The following SLC68A1 variants were observed in gnomAD, a reference collection of about 807,000 sequenced individuals.
SLC68A1 encodes major facilitator superfamily domain containing 13A.
chr10:102,470,523 G>A, the SLC68A1 span: 1 of 1,336,676 alleles, frequency 7.5e-7, no homozygotes, highest in African/African-American at 1.5e-5. Context: ...GTTGCAGACT[G>A]GGGACTTAGG....
the SLC68A1 span, chr10:102,473,920 C>G: frequency 6.2e-7 from 1 of 1,613,978 alleles, no homozygotes; most frequent in Admixed American, 1.7e-5. Context: ...CAGGCAGCCT[C>G]GGCACTCCTC....
the SLC68A1 span, among the ~76,000 whole-genome samples, chr10:102,462,940 C>T: frequency 2.6e-5 from 4 of 152,198 alleles, no homozygotes. Context: ...CCAGGCTGCC[C>T]CTTCTCTCTG....
At chr10:102,475,935 A>G in the SLC68A1 span, 1 of 1,613,416 alleles carries the variant, frequency 6.2e-7, no homozygotes, top group Non-Finnish European at 8.5e-7. Context: ...GTCAAGGCCC[A>G]GCGCCAGAAC....
At chr10:102,473,913 G>A in the SLC68A1 span, 6 of 1,613,962 alleles carry the variant, frequency 3.7e-6, no homozygotes, top group Non-Finnish European at 5.1e-6. Flanking sequence ...CCGCAAGCAG[G>A]CAGCCTCGGC....
At chr10:102,475,699 C>A in the SLC68A1 span, 1 of 1,561,380 alleles carries the variant, frequency 6.4e-7, no homozygotes, top group Non-Finnish European at 8.7e-7. Flanking sequence ...TGACCATGGT[C>A]TTTCTGTGCT....
At chr10:102,474,013 G>T in the SLC68A1 span, 5 of 1,592,114 alleles carry the variant, frequency 3.1e-6, no homozygotes, top group Non-Finnish European at 4.3e-6. Context: ...TTCTACACAG[G>T]TGAGGGCCTG....
At chr10:102,464,566 T>C in the SLC68A1 span, among the ~76,000 whole-genome samples, 1 of 150,184 alleles carries the variant, frequency 6.7e-6, no homozygotes, top group South Asian at 2.1e-4. Flanking sequence ...CCAAGGTGGG[T>C]GGATCACAAG....
chr10:102,468,915 G>T, the SLC68A1 span: 12 of 805,958 alleles, frequency 1.5e-5, no homozygotes, highest in Admixed American at 2.7e-5. Context: ...GAACAGAGCT[G>T]GCTCTGATCC....
the SLC68A1 span, chr10:102,470,955 A>G: frequency 2.2e-5 from 35 of 1,613,124 alleles, no homozygotes; most frequent in Middle Eastern, 1.6e-4. Flanking sequence ...TTTGCATCCT[A>G]TGCCTTTTGG....
At chr10:102,473,296 G>A in the SLC68A1 span, among the ~76,000 whole-genome samples, 5 of 152,104 alleles carry the variant, frequency 3.3e-5, no homozygotes, top group Non-Finnish European at 7.4e-5. Flanking sequence ...TCATCTGATG[G>A]GCCTGGGTGT....
At chr10:102,472,814 TC>T in the SLC68A1 span, 1 of 1,524,088 alleles carries the variant, frequency 6.6e-7, no homozygotes. Context: ...TCAGCTCTCC[TC>T]CCACTGGAAG....
chr10:102,470,693 G>C, the SLC68A1 span: 1 of 1,612,270 alleles, frequency 6.2e-7, no homozygotes, highest in South Asian at 1.1e-5. Context: ...CTCAAGGGCT[G>C]TGGTGCTGGC....
At chr10:102,476,902 TGGTTTCTCTGAGA>T in the SLC68A1 span, 1 of 985,538 alleles carries the variant, frequency 1.0e-6, no homozygotes, top group Non-Finnish European at 1.2e-6. Flanking sequence ...ACCCTTCTAG[TGGTTTCTCTGAGA>T]GGTTTCTCTG....
chr10:102,473,817 A>G, the SLC68A1 span: 1 of 1,609,130 alleles, frequency 6.2e-7, no homozygotes, highest in Non-Finnish European at 8.5e-7. Context: ...CCTCTACTGC[A>G]GCAACCGCGT....
the SLC68A1 span, chr10:102,476,469 TGCTGG>T: frequency 1.0e-6 from 1 of 978,834 alleles, no homozygotes; most frequent in Non-Finnish European, 1.2e-6. Context: ...TCTCCCAAAG[TGCTGG>T]GAATACAGGC....
the SLC68A1 span, chr10:102,472,111 T>TA: frequency 2.2e-6 from 1 of 447,736 alleles, no homozygotes; most frequent in Non-Finnish European, 4.5e-6. Context: ...TGCAATGAGT[T>TA]ATGATTGCAC....
At chr10:102,476,592 C>A in the SLC68A1 span, 10 of 986,082 alleles carry the variant, frequency 1.0e-5, no homozygotes, top group Non-Finnish European at 1.2e-5. Context: ...TGGGGCTGAG[C>A]CAGAAGCATC....
the SLC68A1 span, among the ~76,000 whole-genome samples, chr10:102,462,566 G>A: frequency 6.6e-6 from 1 of 152,104 alleles, no homozygotes; most frequent in East Asian, 1.9e-4. Flanking sequence ...CAGAAATCAG[G>A]GAGATGTTGC....
chr10:102,470,674 C>T, the SLC68A1 span: 1,212 of 1,607,978 alleles, frequency 7.5e-4, 15 homozygotes, highest in South Asian at 3.2e-3. Flanking sequence ...GGTCAGGCGC[C>T]GGGCTCTCCT....
Sources: gnomAD v4.1 joint callset for allele counts (sites outside exome capture counted in the v4.1 genomes callset) on GRCh38, gnomAD v4.1.1 for gene constraint, MANE v1.5 for transcripts, NCBI Gene and HGNC (gene_info 2026-07-23, HGNC 2026-07-21) for gene names.